TRAPPC8: variants seen among roughly 807,000 people sequenced by gnomAD.
The protein encoded by TRAPPC8 is trafficking protein particle complex subunit 8.
In TRAPPC8, 54 loss-of-function variants were observed where a neutral mutation model predicts 174.3. That is an observed-to-expected ratio of 0.31 (90% CI 0.25 to 0.39). The LOEUF is 0.39. Among genes scored for constraint, TRAPPC8 ranks in the 10% least tolerant of loss-of-function variants. The pLI, the probability that TRAPPC8 is intolerant of heterozygous loss-of-function variation, is 1.00. For missense variants in TRAPPC8, 1,531 were observed against 1,699.1 expected, an observed-to-expected ratio of 0.90 and a Z score of 1.74; for synonymous variants, 630 against 579.9, an observed-to-expected ratio of 1.09 and a Z score of -1.24.
At chr18:31,877,542 G>C (rs2035217433) in intron 12 of TRAPPC8, among the ~76,000 whole-genome samples, 1 of 150,580 alleles carries the variant, frequency 6.6e-6, no homozygotes, top group African/African-American at 2.4e-5. Context: ...AACCCCGGGG[G>C]GCGGAGCCTG....
chr18:31,829,377 T>C lies in TRAPPC8; in HGVS notation c.*1378A>G, dbSNP rs1278415686. 1 of 152,190 alleles carries C rather than the reference T, an allele frequency of 6.6e-6. No individual in the cohort carries two copies. The highest frequency in any genetic ancestry group is 1.5e-5 in the Non-Finnish European group (1 of 68,032). 9.4% of individuals were successfully genotyped at this position (152,190 alleles called of 1,614,324 possible). ...TTGTCTTTCCTCCTCAGACTTTTTA[T>C]AAGCCCATGGCCCTAAACTCTCAAG... On this transcript the variant is annotated 3_prime_UTR_variant, in exon 29 of 29. Transcript: ENST00000283351.
chr18:31,912,265 C>T (rs1190980322), intron 5 of TRAPPC8, among the ~76,000 whole-genome samples: 4 of 152,092 alleles, frequency 2.6e-5, no homozygotes, highest in African/African-American at 9.7e-5. Flanking sequence ...CTGAGGCGGA[C>T]AGATCACCTG....
Position 31,864,680 on chromosome 18 carries a change from C to G in TRAPPC8, c.2692G>C (p.Gly898Arg). 1 of 1,613,000 alleles carries G rather than the reference C, an allele frequency of 6.2e-7. No homozygotes were observed. ...ATGGGATCTAAACGTCGATCAGGGC[C>G]ATATTTAACAGATGTTTTCTCTTCT... is the stretch of plus-strand genomic sequence containing the variant. ...TKEEKTSVKY[G>R]PDRRLDPIIT... The change falls in exon 19 of 29, where the codon GGC becomes CGC. Residue 898 changes from glycine (G) to arginine (R), a missense_variant. Coordinates refer to ENST00000283351, the MANE Select transcript of TRAPPC8 (RefSeq NM_014939.5).
intron 2 of TRAPPC8, among the ~76,000 whole-genome samples, chr18:31,922,018 A>AT (rs1327409291): frequency 2.6e-5 from 4 of 152,080 alleles, no homozygotes; most frequent in Non-Finnish European, 4.4e-5. Flanking sequence ...CAAAACTGTC[A>AT]TTTTTTCTTA....
intron 11 of TRAPPC8, among the ~76,000 whole-genome samples, chr18:31,895,251 T>C (rs560671479): frequency 7.9e-5 from 12 of 152,312 alleles, no homozygotes; most frequent in African/African-American, 2.6e-4. Flanking sequence ...ACAGCCTTTC[T>C]AGTTAACAAA....
At chr18:31,928,211 T>C (rs2037705503) in intron 2 of TRAPPC8, among the ~76,000 whole-genome samples, 1 of 149,946 alleles carries the variant, frequency 6.7e-6, no homozygotes, top group Non-Finnish European at 1.5e-5. Flanking sequence ...AAATAAAAAA[T>C]ACATAGGCCA....
At chr18:31,921,138 C>T (rs1268524577) in intron 2 of TRAPPC8, among the ~76,000 whole-genome samples, 1 of 151,578 alleles carries the variant, frequency 6.6e-6, no homozygotes, top group African/African-American at 2.4e-5. Flanking sequence ...GTGAAAAAAG[C>T]GACAGCAGAA....
rs114780061 is a variant in TRAPPC8, at chr18:31,909,090, A to G, written c.866-80T>C. 3,412 of 1,300,690 alleles carry G rather than the reference A, an allele frequency of 2.6e-3. 71 individuals are homozygous for G. The African/African-American group carries it at 0.04, about 15-fold the overall frequency. The allele number at this position is 1,300,690 out of a possible 1,614,324, so 80.6% of individuals were successfully genotyped here. Reference sequence around the variant, plus strand: ...TAATACTACCATACTGCTAAAGAAAAAAAAAAAGCAGAATGTTAAAATCCT... The same window carrying G: ...TAATACTACCATACTGCTAAAGAAAGAAAAAAAGCAGAATGTTAAAATCCT... On this transcript the variant is annotated intron_variant, in intron 6 of 28. Coordinates refer to ENST00000283351, the MANE Select transcript of TRAPPC8 (RefSeq NM_014939.5).
rs144665516 is a variant in TRAPPC8 at position 31,841,619 on chromosome 18, T to C, written c.3838-2162A>G. Among the ~76,000 whole-genome samples, 216 of 152,332 alleles carry C rather than the reference T, an allele frequency of 1.4e-3. 1 individual carries two copies. Among genetic ancestry groups the C allele is most frequent in the African/African-American group, 4.9e-3 (203 of 41,584 alleles). The stretch of plus-strand genomic sequence containing the variant: ...TTTTGAACTACTGTGCTATACTGCT[T>C]TGGCAATTAAATTTTCCTTCTGCTA... On this transcript the variant is annotated intron_variant, in intron 26 of 28. Coordinates refer to ENST00000283351, the MANE Select transcript of TRAPPC8 (RefSeq NM_014939.5).
rs199914047 is a variant in TRAPPC8, at chr18:31,902,148, CTAA to C, written c.1390-1126_1390-1124del. Among the ~76,000 whole-genome samples, 401 of 152,254 alleles carry C rather than the reference CTAA, an allele frequency of 2.6e-3. 2 individuals are homozygous for C. Among genetic ancestry groups the C allele is most frequent in the African/African-American group, 8.8e-3 (365 of 41,554 alleles). On this transcript the variant is annotated intron_variant, in intron 9 of 28. Coordinates refer to ENST00000283351, the MANE Select transcript of TRAPPC8 (RefSeq NM_014939.5). Reference sequence around the variant, plus strand: ...TTGTGAACATGGTGAAACACTGTCTCTAATAATAATACAAAAATTCCTGAACAC... The same window carrying C: ...TTGTGAACATGGTGAAACACTGTCTCTAATAATACAAAAATTCCTGAACAC...
At chr18:31,833,866 G>C (rs937392111) in intron 27 of TRAPPC8, among the ~76,000 whole-genome samples, 1 of 151,860 alleles carries the variant, frequency 6.6e-6, no homozygotes, top group Non-Finnish European at 1.5e-5. Context: ...GCCGGGCGTG[G>C]TGGCAGGTGC....
Position 31,867,416 on chromosome 18 carries a change from C to T in TRAPPC8, c.2449G>A (p.Glu817Lys), listed in dbSNP as rs754962648. ...EVISEFLING[E>K]ESKVARLKLF... is the part of the protein sequence containing the mutation. ...AAAATAATTACCACTTTTGATTCTT[C>T]GCCATTAATTAAGAACTCTGAAATA... The change falls in exon 17 of 29, where the codon GAA becomes AAA. Residue 817 changes from glutamate (E) to lysine (K), a missense_variant. Glu to Lys is a moderately conservative substitution (Grantham distance 56). Coordinates refer to ENST00000283351, the MANE Select transcript of TRAPPC8 (RefSeq NM_014939.5). 33 of 1,607,272 alleles carry T rather than the reference C, an allele frequency of 2.1e-5. No individual in the cohort carries two copies. Among genetic ancestry groups the T allele is most frequent in the East Asian group, 8.9e-5 (4 of 44,712 alleles).
At chr18:31,863,490 A>T (rs928003306) in intron 19 of TRAPPC8, among the ~76,000 whole-genome samples, 5 of 152,206 alleles carry the variant, frequency 3.3e-5, no homozygotes, top group Non-Finnish European at 5.9e-5. Flanking sequence ...CAGTATATCC[A>T]AATAAAAGAA....
intron 3 of TRAPPC8, 135 bp from the exon 4 acceptor site, chr18:31,916,581 G>A (rs546385655): frequency 1.4e-5 from 12 of 837,698 alleles, no homozygotes; most frequent in Middle Eastern, 3.6e-4. Context: ...AGCCCAGGCT[G>A]GAGAGCAGTG....
At chr18:31,927,086 CT>C (rs112565535) in intron 2 of TRAPPC8, among the ~76,000 whole-genome samples, 4,595 of 152,146 alleles carry the variant, frequency 0.03, 250 homozygotes, top group African/African-American at 0.1. Context: ...ATCATTTTGT[CT>C]ATGTACACAT....
intron 2 of TRAPPC8, among the ~76,000 whole-genome samples, chr18:31,930,267 C>G (rs1020958056): frequency 1.3e-5 from 2 of 151,892 alleles, no homozygotes; most frequent in African/African-American, 4.8e-5. Flanking sequence ...TTACAGGCAC[C>G]TGCCACCACA....
At chr18:31,881,498 A>G (rs2035450305) in intron 12 of TRAPPC8, among the ~76,000 whole-genome samples, 1 of 152,158 alleles carries the variant, frequency 6.6e-6, no homozygotes, top group Non-Finnish European at 1.5e-5. Flanking sequence ...TTAACTGGAG[A>G]TGGATTAAAG....
rs556649127 is a variant in TRAPPC8 at position 31,868,275 on chromosome 18, C to A, written c.2389-799G>T. ...AGCACAAGAAACAAAAAACTCCCTACATTCCAGTTCAGCATCTTAGTCCAT... is the reference window on the plus strand; with the variant it reads ...AGCACAAGAAACAAAAAACTCCCTAAATTCCAGTTCAGCATCTTAGTCCAT... On this transcript the variant is annotated intron_variant, in intron 16 of 28. Transcript: ENST00000283351. Among the ~76,000 whole-genome samples the A allele has an allele frequency of 4.6e-5, 7 of 152,312 alleles. 1 individual carries two copies. The highest frequency in any genetic ancestry group is 8.8e-5 in the Non-Finnish European group (6 of 68,022).
chr18:31,832,045 C>T (rs2032404319), intron 28 of TRAPPC8, 39 bp downstream of exon 28: 1 of 1,303,456 alleles, frequency 7.7e-7, no homozygotes, highest in Non-Finnish European at 1.1e-6. Context: ...TATTAAATTG[C>T]TCCCAAATCA....
Sources: gnomAD v4.1 joint callset for allele counts (sites outside exome capture counted in the v4.1 genomes callset) on GRCh38, gnomAD v4.1.1 for gene constraint, MANE v1.5 for transcripts, NCBI Gene and HGNC (gene_info 2026-07-23, HGNC 2026-07-21) for gene names.